The following KIF25 variants were observed in gnomAD, a reference collection of about 807,000 sequenced individuals.
The protein encoded by KIF25 is kinesin family member 25, also known as kinesin-like protein KIF25.
A neutral mutation model predicts 32.9 loss-of-function variants in KIF25; 19 were observed. The ratio of observed to expected loss-of-function variants is 0.58; its 90% CI spans 0.40 to 0.85. The LOEUF is 0.85. Ranked by LOEUF, KIF25 falls within the 40% of genes least tolerant of loss-of-function variation. The probability of loss-of-function intolerance (pLI) is 0.00; values close to 1 mark genes in which losing one functional copy is unlikely to be tolerated. For synonymous variants in KIF25, 225 were observed against 213.7 expected (o/e 1.05, Z -0.46); for missense variants, 485 against 507.0 (o/e 0.96, Z 0.42).
At position 168,044,810 on chromosome 6, in the gene KIF25, G is replaced by A; in HGVS notation, c.986-17G>A. The A allele has an allele frequency of 6.4e-7, 1 of 1,565,482 alleles. No individual in the cohort carries two copies. Among genetic ancestry groups the A allele is most frequent in the East Asian group, 2.3e-5 (1 of 43,636 alleles). ...TGCTCTTCTTTCCAGCTTGCATGTT[G>A]TTTTTCTATTTTAAAGGAGGCGATG... On this transcript the variant is annotated splice_polypyrimidine_tract_variant and intron_variant, in intron 12 of 12. Transcript: ENST00000643607.
rs1323880752 is a variant in KIF25 at position 167,998,162 on chromosome 6, T to A, written c.-1307T>A. The A allele has an allele frequency of 7.2e-6, 1 of 139,092 alleles. No homozygotes were observed. The highest frequency in any genetic ancestry group is 1.5e-5 in the Non-Finnish European group (1 of 64,620). 8.6% of individuals were successfully genotyped at this position (139,092 alleles called of 1,614,324 possible). ...TCAGAAAGTCTCACTACGCTGCAGC[T>A]TTTTTTTTTTTTAATCTGGAGCATG... is the stretch of plus-strand genomic sequence containing the variant. On this transcript the variant is annotated 5_prime_UTR_variant, in exon 1 of 13. Coordinates refer to ENST00000643607, the MANE Select transcript of KIF25 (RefSeq NM_030615.4).
At chr6:168,038,454 T>G in intron 8 of KIF25, 99 bp from the exon 9 acceptor site, 1 of 1,228,148 alleles carries the variant, frequency 8.1e-7, no homozygotes, top group South Asian at 1.4e-5. Context: ...CCAGCAGTCT[T>G]ACTGAGCATC....
At chr6:168,025,310 A>G (rs225776) in intron 5 of KIF25, among the ~76,000 whole-genome samples, 28,463 of 152,044 alleles carry the variant, frequency 0.19, 2,693 homozygotes, top group East Asian at 0.3. Context: ...CCGCTGCTCC[A>G]ACTTCTCATT....
At position 168,033,874 on chromosome 6, in the gene KIF25, A is replaced by C. The variant is rs765637511; in HGVS notation, c.168-8A>C. On this transcript the variant is annotated splice_region_variant and splice_polypyrimidine_tract_variant and intron_variant, in intron 7 of 12. Transcript: ENST00000643607. ...GTTTTGCTGGACTGAATCTGCTCTG[A>C]ATTTTAGGTACAATGTTTGTGTTAT... is the stretch of plus-strand genomic sequence containing the variant. 4 of 1,610,476 alleles carry C rather than the reference A, an allele frequency of 2.5e-6. No individual in the cohort carries two copies. In the Admixed American group the frequency reaches 6.7e-5, roughly 27 times the overall value.
At chr6:168,005,143 C>G in intron 4 of KIF25, among the ~76,000 whole-genome samples, 1 of 151,992 alleles carries the variant, frequency 6.6e-6, no homozygotes, top group Non-Finnish European at 1.5e-5. Context: ...CACAGGCAAG[C>G]CTGGCATGCA....
chr6:168,027,833 A>G (rs1340200768), intron 5 of KIF25, among the ~76,000 whole-genome samples: 2 of 152,176 alleles, frequency 1.3e-5, no homozygotes, highest in Non-Finnish European at 2.9e-5. Context: ...TGACATTCGC[A>G]TCTTTTTTTC....
intron 4 of KIF25, among the ~76,000 whole-genome samples, chr6:168,004,663 T>C (rs569852710): frequency 3.7e-4 from 56 of 152,278 alleles, no homozygotes; most frequent in African/African-American, 1.3e-3. Context: ...CAGGGGTTGA[T>C]GGGATCGTCA....
At chr6:168,024,069 T>C (rs1354352543) in intron 5 of KIF25, among the ~76,000 whole-genome samples, 1 of 149,300 alleles carries the variant, frequency 6.7e-6, no homozygotes. Context: ...AGTAGCTTCC[T>C]GAAGAAACTT....
At chr6:168,025,979 C>T (rs150809533) in intron 5 of KIF25, among the ~76,000 whole-genome samples, 1 of 152,326 alleles carries the variant, frequency 6.6e-6, no homozygotes, top group African/African-American at 2.4e-5. Flanking sequence ...CATACGTCAC[C>T]TACACGTAGC....
At chr6:168,043,674 G>T (rs974026020) in intron 12 of KIF25, among the ~76,000 whole-genome samples, 1 of 152,202 alleles carries the variant, frequency 6.6e-6, no homozygotes, top group East Asian at 1.9e-4. Context: ...GAGACAGGGC[G>T]ACCTGGGTCA....
intron 2 of KIF25, among the ~76,000 whole-genome samples, chr6:168,002,093 G>A (rs4615359): frequency 3.6e-5 from 2 of 56,314 alleles, no homozygotes; most frequent in African/African-American, 1.4e-4. Flanking sequence ...GCGTAGCCTC[G>A]GGCAGGTGAG....
At chr6:168,000,366 C>T (rs758992975) in intron 2 of KIF25, among the ~76,000 whole-genome samples, 2 of 113,998 alleles carry the variant, frequency 1.8e-5, no homozygotes, top group Non-Finnish European at 1.8e-5. Context: ...ACTCCCATCC[C>T]GACCACGCCT....
rs1375805136 is a variant in KIF25 at position 168,003,618 on chromosome 6, A to G, written c.-248A>G. ...AATGTTGTTTCATTCCCTCAGCTCCATCTCTAGAGAAGCGGCCCATGCTGT... is the reference window on the plus strand; with the variant it reads ...AATGTTGTTTCATTCCCTCAGCTCCGTCTCTAGAGAAGCGGCCCATGCTGT... On this transcript the variant is annotated 5_prime_UTR_variant, in exon 4 of 13. Transcript: ENST00000643607. The G allele has an allele frequency of 2.0e-5, 3 of 152,356 alleles. No homozygotes were observed. The highest frequency in any genetic ancestry group is 3.4e-3 in the Middle Eastern group (1 of 294). 9.4% of individuals were successfully genotyped at this position (152,356 alleles called of 1,614,324 possible). A position where few individuals can be genotyped will look rare whatever the true frequency, so the allele number is the denominator to read the frequency against.
chr6:168,025,060 G>A lies in KIF25; in HGVS notation c.-94-4432G>A, dbSNP rs1041439970. ...AGTGAGATTCTGTCTTCAAAAAAAC[G>A]AAAAAGAAAGAAAGGAATGTTTGGA... On this transcript the variant is annotated intron_variant, in intron 5 of 12. Transcript: ENST00000643607. 3.9e-5 allele frequency among the ~76,000 whole-genome samples: 6 copies of A among 152,070 alleles called. No homozygotes were observed. In the East Asian group the frequency reaches 5.8e-4, roughly 15 times the overall value.
chr6:168,030,790 A>G lies in KIF25; in HGVS notation c.110A>G (p.Glu37Gly). ...TCTCTCAGGGTTTATGGTCCAGCAG[A>G]GTCTCAGAGCGCGGTCTTTGGAGAT... ...DKDLRVYGPA[E>G]SQSAVFGDVC... Residue 37 changes from glutamate to glycine, a missense_variant, in exon 7 of 13, where the codon GAG becomes GGG. Glu to Gly is a moderately conservative substitution (Grantham distance 98). Transcript: ENST00000643607. 6.2e-7 allele frequency: 1 copy of G among 1,613,050 alleles called. No homozygotes were observed. The highest frequency in any genetic ancestry group is 8.5e-7 in the Non-Finnish European group (1 of 1,179,594).
chr6:168,018,886 C>G (rs1366740758), intron 5 of KIF25, among the ~76,000 whole-genome samples: 1 of 152,228 alleles, frequency 6.6e-6, no homozygotes, highest in Non-Finnish European at 1.5e-5. Flanking sequence ...CCCCTCAAGC[C>G]TCCGCTGAGC....
chr6:168,013,367 A>C (rs9346642), intron 4 of KIF25, among the ~76,000 whole-genome samples: 50,945 of 151,248 alleles, frequency 0.34, 8,849 homozygotes, highest in South Asian at 0.42. Flanking sequence ...TGGGCCCGGG[A>C]TCCATGCAGC....
rs182617818 is a variant in KIF25, at chr6:168,039,956, G to T, written c.495-109G>T. On this transcript the variant is annotated intron_variant, in intron 9 of 12. Transcript: ENST00000643607. Reference sequence around the variant, plus strand: ...TGAGACTGGCTTCAGTACCCCACTGGCACGCGTGGCTCATGTGAGAGGCTT... The same window carrying T: ...TGAGACTGGCTTCAGTACCCCACTGTCACGCGTGGCTCATGTGAGAGGCTT... 4.5e-6 allele frequency: 6 copies of T among 1,325,576 alleles called. No homozygotes were observed. In the Admixed American group the frequency reaches 1.4e-4, roughly 32 times the overall value. 82.1% of individuals were successfully genotyped at this position (1,325,576 alleles called of 1,614,324 possible).
rs1799093502 is a variant in KIF25 at position 168,040,059 on chromosome 6, CTG to C, written c.495-4_495-3del. The C allele has an allele frequency of 6.2e-7, 1 of 1,610,104 alleles. No homozygotes were observed. The highest frequency in any genetic ancestry group is 1.3e-5 in the African/African-American group (1 of 74,890). On this transcript the variant is annotated splice_polypyrimidine_tract_variant and splice_region_variant and intron_variant, in intron 9 of 12. Coordinates refer to ENST00000643607, the MANE Select transcript of KIF25 (RefSeq NM_030615.4). The stretch of plus-strand genomic sequence containing the variant: ...CTGTGTTCCCCACTGCTTGCCTTGT[CTG>C]TAGGGCTGTCGGCAGCGCCTCGAAA...
Sources: allele counts gnomAD v4.1 joint callset (sites outside exome capture counted in the v4.1 genomes callset), GRCh38; gene constraint gnomAD v4.1.1; transcripts MANE v1.5; gene names NCBI Gene and HGNC (gene_info 2026-07-23, HGNC 2026-07-21).